CCDC149: variants seen among roughly 807,000 people sequenced by gnomAD.
The protein encoded by CCDC149 is coiled-coil domain-containing protein 149.
In CCDC149, 45 loss-of-function variants were observed where a neutral mutation model predicts 59.9. The observed-to-expected ratio is 0.75, with a 90% confidence interval of 0.59 to 0.96. The LOEUF (loss-of-function observed/expected upper bound fraction) is 0.96, where lower values mean the gene tolerates loss of function less well. Among genes scored for constraint, CCDC149 ranks in the 40% least tolerant of loss-of-function variants. The pLI, the probability that CCDC149 is intolerant of heterozygous loss-of-function variation, is 0.00. For missense variants in CCDC149, 584 were observed against 664.7 expected (o/e 0.88, Z 1.33); for synonymous variants, 245 against 260.6 (o/e 0.94, Z 0.58).
chr4:24,882,309 A>C (rs1188301744), intron 1 of CCDC149, among the ~76,000 whole-genome samples: 3 of 152,216 alleles, frequency 2.0e-5, no homozygotes, highest in Non-Finnish European at 2.9e-5. Context: ...GGGACAAACT[A>C]AAGGGCCTCA....
chr4:24,832,141 T>G (rs1300123260), intron 8 of CCDC149, among the ~76,000 whole-genome samples: 1 of 152,218 alleles, frequency 6.6e-6, no homozygotes, highest in Non-Finnish European at 1.5e-5. Context: ...TTTAGGAGAT[T>G]ATTTAAAGTG....
intron 1 of CCDC149, among the ~76,000 whole-genome samples, chr4:24,962,421 C>A (rs1010977916): frequency 6.6e-6 from 1 of 152,152 alleles, no homozygotes; most frequent in East Asian, 1.9e-4. Context: ...CAGGGATCTA[C>A]AACTAGAAAT....
chr4:24,889,274 A>T (rs1041590563), intron 1 of CCDC149, among the ~76,000 whole-genome samples: 11 of 152,346 alleles, frequency 7.2e-5, no homozygotes, highest in African/African-American at 2.6e-4. Flanking sequence ...TGAGGAGGAA[A>T]CACATGGAAA....
At chr4:24,865,282 C>T (rs1311802514) in intron 3 of CCDC149, among the ~76,000 whole-genome samples, 4 of 152,128 alleles carry the variant, frequency 2.6e-5, no homozygotes, top group African/African-American at 9.7e-5. Flanking sequence ...TCCATACCTT[C>T]AATATAGGAA....
upstream of CCDC149, among the ~76,000 whole-genome samples, chr4:24,916,131 G>C (rs755459076): frequency 6.6e-6 from 1 of 152,116 alleles, no homozygotes; most frequent in Non-Finnish European, 1.5e-5. Flanking sequence ...TGAGACGTTT[G>C]CTTTAGCCTC....
chr4:24,873,815 C>A, intron 2 of CCDC149, 96 bp from the exon 3 acceptor site: 1 of 762,002 alleles, frequency 1.3e-6, no homozygotes, highest in Non-Finnish European at 2.2e-6. Context: ...AATGTAGACT[C>A]TCCCCACCCT....
intron 1 of CCDC149, among the ~76,000 whole-genome samples, chr4:24,941,592 A>T (rs1473445884): frequency 1.3e-5 from 2 of 152,208 alleles, no homozygotes; most frequent in African/African-American, 2.4e-5. Flanking sequence ...CCTTCAAAAA[A>T]TCAATGAATC....
chr4:24,961,821 A>G (rs1723642044), intron 1 of CCDC149, among the ~76,000 whole-genome samples: 1 of 152,210 alleles, frequency 6.6e-6, no homozygotes, highest in African/African-American at 2.4e-5. Flanking sequence ...AAGATGGATT[A>G]AAGACTTAAA....
intron 8 of CCDC149, among the ~76,000 whole-genome samples, chr4:24,832,383 G>T (rs1056063923): frequency 5.3e-5 from 8 of 152,184 alleles, no homozygotes; most frequent in African/African-American, 1.7e-4. Flanking sequence ...TCTAAATATT[G>T]GGAAAGAGTA....
At chr4:24,858,524 T>C (rs951056814) in intron 3 of CCDC149, among the ~76,000 whole-genome samples, 1 of 152,182 alleles carries the variant, frequency 6.6e-6, no homozygotes, top group East Asian at 1.9e-4. Context: ...TCACTCTTTC[T>C]AGCTAGGAGT....
chr4:24,868,045 C>T (rs1718808549), intron 3 of CCDC149, among the ~76,000 whole-genome samples: 1 of 152,214 alleles, frequency 6.6e-6, no homozygotes. Flanking sequence ...GGTATCTTTG[C>T]TTTGCAGCTG....
chr4:24,867,213 A>G (rs560058698), intron 3 of CCDC149, among the ~76,000 whole-genome samples: 3 of 152,326 alleles, frequency 2.0e-5, no homozygotes, highest in Admixed American at 6.5e-5. Context: ...ACACCGCCAC[A>G]TCAGTGCCTC....
intron 1 of CCDC149, among the ~76,000 whole-genome samples, chr4:24,892,667 A>G (rs553748651): frequency 6.6e-6 from 1 of 152,256 alleles, no homozygotes; most frequent in East Asian, 1.9e-4. Flanking sequence ...GGTAGGTACT[A>G]TGAGGATCCC....
At chr4:24,936,904 G>T (rs995508625) in intron 1 of CCDC149, among the ~76,000 whole-genome samples, 10 of 152,218 alleles carry the variant, frequency 6.6e-5, no homozygotes, top group African/African-American at 2.4e-4. Context: ...CAGTCCCGAA[G>T]GTCTCTTAGG....
rs1716637883 is a variant in CCDC149 at position 24,837,775 on chromosome 4, T to C, written c.490-375A>G. Among the ~76,000 whole-genome samples the C allele has an allele frequency of 1.3e-5, 2 of 152,224 alleles. No homozygotes were observed. Among genetic ancestry groups the C allele is most frequent in the Non-Finnish European group, 2.9e-5 (2 of 68,042 alleles). Reference sequence around the variant, plus strand: ...AAGAGGAAGAAAATGAACTTTAGGCTCTCTTAGTTGTTACCTAACTAGGGC... The same window carrying C: ...AAGAGGAAGAAAATGAACTTTAGGCCCTCTTAGTTGTTACCTAACTAGGGC... On this transcript the variant is annotated intron_variant, in intron 5 of 12. Transcript: ENST00000635206. The surrounding 1 kb of genome is among the most constrained non-coding windows in gnomAD (Gnocchi z 4.3).
At chr4:24,823,943 T>A (rs932435754) in intron 9 of CCDC149, among the ~76,000 whole-genome samples, 9 of 152,248 alleles carry the variant, frequency 5.9e-5, no homozygotes, top group Non-Finnish European at 1.2e-4. Context: ...TCCTTTGTAA[T>A]CTCGCTTTCC....
chr4:24,885,892 T>G (rs1465943273), intron 1 of CCDC149, among the ~76,000 whole-genome samples: 1 of 152,200 alleles, frequency 6.6e-6, no homozygotes, highest in Non-Finnish European at 1.5e-5. Flanking sequence ...TTAGGAATAA[T>G]AAGAAGACCT....
intron 4 of CCDC149, among the ~76,000 whole-genome samples, chr4:24,844,254 C>A (rs533685124): frequency 1.3e-5 from 2 of 152,282 alleles, no homozygotes; most frequent in East Asian, 3.9e-4. Context: ...TTGTCCTCCA[C>A]AACCGTGTCT....
intron 1 of CCDC149, among the ~76,000 whole-genome samples, chr4:24,899,615 A>G (rs1721043145): frequency 6.6e-6 from 1 of 152,104 alleles, no homozygotes; most frequent in African/African-American, 2.4e-5. Flanking sequence ...GAAAGTGGAT[A>G]AGGGCAAAGG....
Sources: allele counts gnomAD v4.1 joint callset (sites outside exome capture counted in the v4.1 genomes callset), GRCh38; gene constraint gnomAD v4.1.1; non-coding constraint Gnocchi (gnomAD v3.1); transcripts MANE v1.5; gene names NCBI Gene and HGNC (gene_info 2026-07-23, HGNC 2026-07-21).